Variants in KCNH5 observed in about 807,000 individuals in gnomAD.
KCNH5 encodes voltage-gated delayed rectifier potassium channel KCNH5.
KCNH5 carries 46 observed loss-of-function variants against 96.1 expected under a neutral mutation model. The observed-to-expected ratio is 0.48, with a 90% CI of 0.38 to 0.61. The LOEUF (loss-of-function observed/expected upper bound fraction) is 0.61, where lower values mean the gene tolerates loss of function less well. Among genes scored for constraint, KCNH5 ranks in the 20% least tolerant of loss-of-function variants. The probability of loss-of-function intolerance (pLI) is 0.00; values close to 1 mark genes in which losing one functional copy is unlikely to be tolerated. For missense variants in KCNH5, 907 were observed against 1,225.8 expected (o/e 0.74, Z 3.88); for synonymous variants, 439 against 449.8 (o/e 0.98, Z 0.30).
intron 8 of KCNH5, among the ~76,000 whole-genome samples, chr14:62,839,292 A>G (rs1887527454): frequency 6.6e-6 from 1 of 152,196 alleles, no homozygotes; most frequent in Non-Finnish European, 1.5e-5. Flanking sequence ...CAACTAAACA[A>G]GCACTTTTGA....
At chr14:62,722,791 G>T (rs2139915371) in intron 10 of KCNH5, among the ~76,000 whole-genome samples, 1 of 152,200 alleles carries the variant, frequency 6.6e-6, no homozygotes, top group South Asian at 2.1e-4. Context: ...ATCAGTCAGG[G>T]CAATTATTAT....
At chr14:62,726,668 T>C (rs1884932533) in intron 10 of KCNH5, among the ~76,000 whole-genome samples, 1 of 151,892 alleles carries the variant, frequency 6.6e-6, no homozygotes, top group Admixed American at 6.6e-5. Context: ...TGCAAATTCA[T>C]AGAACCATTT....
At chr14:62,973,341 G>T (rs1765586091) in intron 6 of KCNH5, among the ~76,000 whole-genome samples, 1 of 152,134 alleles carries the variant, frequency 6.6e-6, no homozygotes, top group Admixed American at 6.5e-5. Flanking sequence ...TGGTTTGATT[G>T]GTTTGTCCCC....
At position 62,779,816 on chromosome 14, in the gene KCNH5, TC is replaced by T; in HGVS notation, c.1930del (p.Glu644LysfsTer27). The stretch of plus-strand genomic sequence containing the variant: ...AAAGTCCAGGACTTTGAGCAAGGCT[TC>T]CCGCTTGATGATGTGTAGGTCACAG... ...TYCDLHIIKR[E>X]ALLKVLDFYT... On this transcript the variant is annotated frameshift_variant, in exon 10 of 11. Coordinates refer to ENST00000322893, the MANE Select transcript of KCNH5 (RefSeq NM_139318.5). LOFTEE classifies it high-confidence loss of function. 1 of 1,614,012 alleles carries T rather than the reference TC, an allele frequency of 6.2e-7. No individual in the cohort carries two copies. The highest frequency in any genetic ancestry group is 8.5e-7 in the Non-Finnish European group (1 of 1,179,882).
intron 4 of KCNH5, among the ~76,000 whole-genome samples, chr14:62,997,565 C>A (rs1457263275): frequency 1.3e-5 from 2 of 152,056 alleles, no homozygotes; most frequent in African/African-American, 4.8e-5. Context: ...GTGGGATAAA[C>A]CCCACTTGGT....
chr14:62,951,443 G>A (rs1890003252), intron 6 of KCNH5, among the ~76,000 whole-genome samples: 1 of 152,146 alleles, frequency 6.6e-6, no homozygotes, highest in South Asian at 2.1e-4. Context: ...GAGGGAAAAT[G>A]GAGCAGTGAT....
intron 6 of KCNH5, among the ~76,000 whole-genome samples, chr14:62,966,007 T>C (rs2139550108): frequency 6.6e-6 from 1 of 152,286 alleles, no homozygotes; most frequent in South Asian, 2.1e-4. Context: ...GATATAGACC[T>C]CTTAATTTAC....
intron 10 of KCNH5, among the ~76,000 whole-genome samples, chr14:62,724,778 T>C (rs1884888474): frequency 6.6e-6 from 1 of 152,212 alleles, no homozygotes; most frequent in South Asian, 2.1e-4. Context: ...GTGTTGAACT[T>C]TAATTATTTA....
chr14:62,707,996 C>G lies in KCNH5; in HGVS notation c.2479G>C (p.Asp827His). ...NMGAHEEKKE[D>H]WNNVTKAESM... ...TCAGCTTTAGTGACATTATTCCAGT[C>G]TTCCTTTTTCTCCTCATGGGCTCCC... The change falls in exon 11 of 11, where the codon GAC (aspartate) becomes CAC (histidine). Residue 827 changes from aspartate to histidine, a missense_variant. Transcript: ENST00000322893. The G allele has an allele frequency of 6.2e-7, 1 of 1,614,216 alleles. No homozygotes were observed. Among genetic ancestry groups the G allele is most frequent in the Admixed American group, 1.7e-5 (1 of 60,024 alleles).
intron 10 of KCNH5, among the ~76,000 whole-genome samples, chr14:62,720,083 G>C (rs932922167): frequency 6.6e-6 from 1 of 152,280 alleles, no homozygotes; most frequent in African/African-American, 2.4e-5. Context: ...AGTATCTATG[G>C]GGAGGTGATA....
intron 10 of KCNH5, among the ~76,000 whole-genome samples, chr14:62,773,111 C>T (rs1368685037): frequency 6.6e-6 from 1 of 152,150 alleles, no homozygotes; most frequent in African/African-American, 2.4e-5. Flanking sequence ...CTTCGAAATG[C>T]TTTTATTCTA....
At chr14:62,935,989 T>C (rs1000156475) in intron 7 of KCNH5, among the ~76,000 whole-genome samples, 1 of 152,112 alleles carries the variant, frequency 6.6e-6, no homozygotes, top group Non-Finnish European at 1.5e-5. Flanking sequence ...AGCAATGCAG[T>C]AACATGATCC....
chr14:63,003,505 TTA>T (rs1301572636), intron 3 of KCNH5, among the ~76,000 whole-genome samples: 1 of 122,314 alleles, frequency 8.2e-6, no homozygotes, highest in Admixed American at 9.1e-5. Flanking sequence ...TATATATATT[TTA>T]TATATATTTT....
chr14:62,789,562 C>T (rs1886389323), intron 9 of KCNH5, among the ~76,000 whole-genome samples: 1 of 151,960 alleles, frequency 6.6e-6, no homozygotes, highest in Non-Finnish European at 1.5e-5. Context: ...TTCCAGGATT[C>T]TCTTTTCTCC....
chr14:62,747,845 T>A (rs925130746), intron 10 of KCNH5, among the ~76,000 whole-genome samples: 1 of 152,018 alleles, frequency 6.6e-6, no homozygotes, highest in Non-Finnish European at 1.5e-5. Flanking sequence ...CTGTGTGGAG[T>A]TTTTAGAAAA....
intron 10 of KCNH5, among the ~76,000 whole-genome samples, chr14:62,744,407 T>G (rs1334948067): frequency 1.3e-5 from 2 of 152,178 alleles, no homozygotes; most frequent in African/African-American, 4.8e-5. Context: ...ATATTATAAT[T>G]ATTCTCATTT....
intron 7 of KCNH5, among the ~76,000 whole-genome samples, chr14:62,917,017 TAG>T (rs945104411): frequency 3.9e-5 from 6 of 152,194 alleles, no homozygotes; most frequent in South Asian, 2.1e-4. Context: ...TGCTAGAAAT[TAG>T]AGTTTGATGA....
intron 10 of KCNH5, among the ~76,000 whole-genome samples, chr14:62,762,796 A>C (rs185052995): frequency 1.1e-4 from 17 of 152,320 alleles, no homozygotes; most frequent in Admixed American, 7.8e-4. Context: ...AAGAAAAAGA[A>C]GGGCATTACA....
chr14:62,745,715 G>T (rs1007575046), intron 10 of KCNH5, among the ~76,000 whole-genome samples: 4 of 152,104 alleles, frequency 2.6e-5, no homozygotes, highest in African/African-American at 9.7e-5. Context: ...TGCCTGGAGG[G>T]ATGATGCATT....
Sources: gnomAD v4.1 joint callset for allele counts (sites outside exome capture counted in the v4.1 genomes callset) on GRCh38, gnomAD v4.1.1 for gene constraint, MANE v1.5 for transcripts, NCBI Gene and HGNC (gene_info 2026-07-23, HGNC 2026-07-21) for gene names.